Variants in HMGXB4 observed in about 807,000 individuals in gnomAD.
HMGXB4 encodes the protein HMG-box containing 4.
HMGXB4 carries 27 observed loss-of-function variants against 63.9 expected under a neutral mutation model. The ratio of observed to expected loss-of-function variants is 0.42; its 90% CI spans 0.31 to 0.58. The LOEUF (loss-of-function observed/expected upper bound fraction) is 0.58, where lower values mean the gene tolerates loss of function less well. Among genes scored for constraint, HMGXB4 ranks in the 20% least tolerant of loss-of-function variants. HMGXB4 has a pLI of 0.13. For missense variants in HMGXB4, 624 were observed against 700.7 expected (o/e 0.89, Z 1.24); for synonymous variants, 264 against 265.3 (o/e 0.99, Z 0.05).
intron 5 of HMGXB4, among the ~76,000 whole-genome samples, chr22:35,270,033 G>A (rs1173179273): frequency 6.6e-6 from 1 of 152,124 alleles, no homozygotes; most frequent in Non-Finnish European, 1.5e-5. Context: ...TGAAGAGGTT[G>A]ATTCAAGAGA....
chr22:35,259,954 C>T (rs955359317), intron 1 of HMGXB4, among the ~76,000 whole-genome samples: 1 of 152,180 alleles, frequency 6.6e-6, no homozygotes, highest in Non-Finnish European at 1.5e-5. Context: ...TTTCTATTCC[C>T]TCTCACAACT....
chr22:35,263,244 A>T lies in HMGXB4; in HGVS notation c.180+18A>T, dbSNP rs527722937. ...AGTTGAAGGTAAGTCCTGAAAATTT[A>T]AATTAGGAAAGTCTTAAACTACTCA... On this transcript the variant is annotated intron_variant, in intron 3 of 10. Transcript: ENST00000216106. 2 of 1,595,322 alleles carry T rather than the reference A, an allele frequency of 1.3e-6. No individual in the cohort carries two copies. Among genetic ancestry groups the T allele is most frequent in the East Asian group, 2.2e-5 (1 of 44,722 alleles).
At chr22:35,274,176 C>T (rs1006061893) in intron 5 of HMGXB4, among the ~76,000 whole-genome samples, 1 of 152,084 alleles carries the variant, frequency 6.6e-6, no homozygotes, top group African/African-American at 2.4e-5. Context: ...AAGGAAAGCC[C>T]GGAATGGCTG....
intron 7 of HMGXB4, chr22:35,287,046 AT>A: frequency 3.4e-6 from 1 of 291,664 alleles, no homozygotes; most frequent in Non-Finnish European, 6.7e-6. Flanking sequence ...CCACATAGAC[AT>A]TATATTGAGC....
In HMGXB4 at chr22:35,285,838, CAAAG is replaced by C. The variant is rs911176862; in HGVS notation, c.1298-156_1298-153del. On this transcript the variant is annotated intron_variant, in intron 6 of 10. Coordinates refer to ENST00000216106, the MANE Select transcript of HMGXB4 (RefSeq NM_001003681.3). Reference sequence around the variant, plus strand: ...CATCCCCTTCCCTATAGAAAAAAATCAAAGAAGAGTGATGGGATTGGGGTTGGTT... The same window carrying C: ...CATCCCCTTCCCTATAGAAAAAAATCAAGAGTGATGGGATTGGGGTTGGTT... 1.9e-3 allele frequency among the ~76,000 whole-genome samples: 296 copies of C among 152,308 alleles called. 2 individuals carry two copies. The highest frequency in any genetic ancestry group is 7.0e-3 in the African/African-American group (289 of 41,568).
At chr22:35,264,509 G>A (rs1020526597) in intron 4 of HMGXB4, 139 bp from the exon 5 acceptor site, 1 of 654,056 alleles carries the variant, frequency 1.5e-6, no homozygotes, top group African/African-American at 1.8e-5. Context: ...CTCAATGTTA[G>A]GAATCAGTTA....
At chr22:35,289,667 A>G (rs955643070) in intron 9 of HMGXB4, among the ~76,000 whole-genome samples, 1 of 152,204 alleles carries the variant, frequency 6.6e-6, no homozygotes, top group Admixed American at 6.5e-5. Context: ...CCAGCTCTCC[A>G]TTACTCTGCA....
In HMGXB4 at chr22:35,287,469, G is replaced by A. The variant is rs545765681; in HGVS notation, c.1468+17G>A. The A allele has an allele frequency of 6.8e-5, 106 of 1,557,322 alleles. No homozygotes were observed. Among genetic ancestry groups the A allele is most frequent in the Admixed American group, 2.2e-4 (13 of 59,178 alleles). ...AAGTCAAAGGTAGTGACCACATCCC[G>A]CCCCTGCTTTTCTCTAAAGCATGTG... On this transcript the variant is annotated intron_variant, in intron 8 of 10. Coordinates refer to ENST00000216106, the MANE Select transcript of HMGXB4 (RefSeq NM_001003681.3).
the HMGXB4 span, among the ~76,000 whole-genome samples, chr22:35,248,200 G>A: frequency 2.0e-5 from 3 of 152,158 alleles, no homozygotes; most frequent in Admixed American, 6.5e-5. Context: ...CACTGTGTTA[G>A]CCAGTTCTTT....
At chr22:35,252,274 G>T in the HMGXB4 span, among the ~76,000 whole-genome samples, 1 of 152,200 alleles carries the variant, frequency 6.6e-6, no homozygotes, top group Non-Finnish European at 1.5e-5. Flanking sequence ...ATATTTTGAA[G>T]TTCACAATAC....
At chr22:35,250,614 C>A in the HMGXB4 span, among the ~76,000 whole-genome samples, 2 of 152,240 alleles carry the variant, frequency 1.3e-5, no homozygotes, top group East Asian at 3.9e-4. Context: ...GACAAGACAT[C>A]CAAACCATAT....
the HMGXB4 span, among the ~76,000 whole-genome samples, chr22:35,241,582 G>A: frequency 6.6e-6 from 1 of 152,216 alleles, no homozygotes; most frequent in African/African-American, 2.4e-5. Flanking sequence ...GGGATCCACT[G>A]AGCTCCCAGG....
chr22:35,259,652 G>T (rs1922711744), intron 1 of HMGXB4, among the ~76,000 whole-genome samples: 1 of 152,146 alleles, frequency 6.6e-6, no homozygotes, highest in Non-Finnish European at 1.5e-5. Flanking sequence ...ATAATATCCT[G>T]ATTTTAAAGA....
At chr22:35,277,770 C>T (rs528100979) in intron 5 of HMGXB4, among the ~76,000 whole-genome samples, 8 of 152,294 alleles carry the variant, frequency 5.3e-5, no homozygotes, top group Non-Finnish European at 1.0e-4. Flanking sequence ...ATATATCCCC[C>T]GTCCCACACA....
chr22:35,255,525 A>G (rs1258765122), upstream of HMGXB4, among the ~76,000 whole-genome samples: 1 of 152,140 alleles, frequency 6.6e-6, no homozygotes, highest in Admixed American at 6.5e-5. Context: ...AAAACAAACA[A>G]ACAAAACCTC....
upstream of HMGXB4, among the ~76,000 whole-genome samples, chr22:35,256,648 C>T (rs1922421053): frequency 1.3e-5 from 2 of 152,036 alleles, no homozygotes; most frequent in South Asian, 4.2e-4. Flanking sequence ...TACAGGCACG[C>T]GCCACCACGC....
upstream of HMGXB4, among the ~76,000 whole-genome samples, chr22:35,256,101 G>C (rs1922388715): frequency 6.6e-6 from 1 of 152,214 alleles, no homozygotes. Flanking sequence ...GAGAGAGCAT[G>C]ATATAGCAAA....
Position 35,262,366 on chromosome 22 carries a change from T to C in HMGXB4, c.-25T>C. The C allele has an allele frequency of 6.2e-7, 1 of 1,613,112 alleles. No homozygotes were observed. Among genetic ancestry groups the C allele is most frequent in the Middle Eastern group, 1.7e-4 (1 of 6,056 alleles). On this transcript the variant is annotated 5_prime_UTR_variant, in exon 2 of 11. Coordinates refer to ENST00000216106, the MANE Select transcript of HMGXB4 (RefSeq NM_001003681.3). ...GAAGGAGCCTGGACACAGTGACACA[T>C]TCTCAAAGGCCCTGCAGGACCACCA...
intron 6 of HMGXB4, 151 bp downstream of exon 6, chr22:35,284,194 A>T: frequency 1.7e-6 from 1 of 589,650 alleles, no homozygotes; most frequent in Non-Finnish European, 3.1e-6. Context: ...AGTTTATCTC[A>T]TCTGTAAAAG....
Sources: gnomAD v4.1 joint callset for allele counts (sites outside exome capture counted in the v4.1 genomes callset) on GRCh38, gnomAD v4.1.1 for gene constraint, MANE v1.5 for transcripts, NCBI Gene and HGNC (gene_info 2026-07-23, HGNC 2026-07-21) for gene names.